The following TBL1X variants were observed in gnomAD, a reference collection of about 807,000 sequenced individuals.
TBL1X encodes transducin beta like 1 X-linked.
Under a neutral mutation model 50.7 loss-of-function variants are expected in TBL1X, and 10 were observed. The observed-to-expected ratio is 0.20, with a 90% confidence interval of 0.12 to 0.33. The LOEUF (loss-of-function observed/expected upper bound fraction) is 0.33. Among genes scored for constraint, TBL1X ranks in the 10% least tolerant of loss-of-function variants. TBL1X has a pLI of 1.00. For synonymous variants in TBL1X, 190 were observed against 214.7 expected (o/e 0.88, Z 1.01); for missense variants, 340 against 504.4 (o/e 0.67, Z 3.12).
At chrX:9,511,063 T>A (rs1175386389) in intron 2 of TBL1X, among the ~76,000 whole-genome samples, 3 of 112,206 alleles carry the variant, frequency 2.7e-5, no homozygotes, top group South Asian at 7.4e-4. Context: ...TGCTTGTAAG[T>A]ACAGGGATTG....
At chrX:9,708,353 T>G (rs2083222705) in intron 13 of TBL1X, among the ~76,000 whole-genome samples, 3 of 112,524 alleles carry the variant, frequency 2.7e-5, no homozygotes, top group Middle Eastern at 9.2e-3. Context: ...ATTTTGCCTG[T>G]GTCATGTGTG....
At chrX:9,673,883 A>C (rs1405090023) in intron 5 of TBL1X, among the ~76,000 whole-genome samples, 1 of 111,557 alleles carries the variant, frequency 9.0e-6, no homozygotes, top group African/African-American at 3.3e-5. Flanking sequence ...CCTGTCCAAC[A>C]TAGTGAAACC....
chrX:9,699,038 T>G (rs1351155048), intron 12 of TBL1X, among the ~76,000 whole-genome samples: 2 of 111,881 alleles, frequency 1.8e-5, no homozygotes, highest in East Asian at 5.6e-4. Flanking sequence ...TGGAGTGCAG[T>G]GGTGCGATCT....
chrX:9,554,184 A>G (rs1009939362), intron 2 of TBL1X, among the ~76,000 whole-genome samples: 1 of 112,634 alleles, frequency 8.9e-6, no homozygotes, highest in East Asian at 2.8e-4. Context: ...CCCAGTCTCA[A>G]TTTTTAAAAA....
intron 2 of TBL1X, among the ~76,000 whole-genome samples, chrX:9,554,198 A>G (rs1386092697): frequency 8.9e-6 from 1 of 112,634 alleles, no homozygotes; most frequent in African/African-American, 3.2e-5. Flanking sequence ...TTAAAAATAT[A>G]TTTTACCATC....
At chrX:9,532,673 G>A (rs1189957194) in intron 2 of TBL1X, among the ~76,000 whole-genome samples, 2 of 111,154 alleles carry the variant, frequency 1.8e-5, no homozygotes, top group African/African-American at 6.6e-5. Context: ...AGCAGGGTTG[G>A]TTCCTCCCTA....
rs1487197553 is a variant in TBL1X, at chrX:9,589,025, ACTGTG to A, written c.-130-51242_-130-51238del. Among the ~76,000 whole-genome samples the A allele has an allele frequency of 6.3e-5, 7 of 111,242 alleles. No homozygotes were observed. In the East Asian group the frequency reaches 2.0e-3, roughly 31 times the overall value. On this transcript the variant is annotated intron_variant, in intron 2 of 17. Coordinates refer to ENST00000645353, the MANE Select transcript of TBL1X (RefSeq NM_005647.4). ...CCTAATCCCTGCCCTGACATTTTACACTGTGCTGTGAATACCCCAGGGCATCATGA... is the reference window on the plus strand; with the variant it reads ...CCTAATCCCTGCCCTGACATTTTACACTGTGAATACCCCAGGGCATCATGA...
intron 1 of TBL1X, among the ~76,000 whole-genome samples, chrX:9,474,472 G>A (rs1479224180): frequency 8.8e-6 from 1 of 113,326 alleles, no homozygotes; most frequent in Non-Finnish European, 1.9e-5. Context: ...ACTGGACATC[G>A]TTCCAGAGGT....
chrX:9,627,735 A>C (rs1251872991), intron 2 of TBL1X, among the ~76,000 whole-genome samples: 2 of 112,172 alleles, frequency 1.8e-5, no homozygotes, highest in Non-Finnish European at 3.8e-5. Flanking sequence ...GTAAATTGTG[A>C]ATTGCTTTCG....
intron 2 of TBL1X, among the ~76,000 whole-genome samples, chrX:9,612,924 C>T (rs1273704443): frequency 1.8e-5 from 2 of 108,760 alleles, no homozygotes; most frequent in Non-Finnish European, 3.8e-5. Context: ...AGTAAAATAT[C>T]TGGTATATAA....
chrX:9,507,679 T>C (rs1168534932), intron 2 of TBL1X, among the ~76,000 whole-genome samples: 1 of 112,137 alleles, frequency 8.9e-6, no homozygotes, highest in Non-Finnish European at 1.9e-5. Context: ...TCATGCTACC[T>C]GACTTCAAAC....
At chrX:9,671,446 A>T (rs780313936) in intron 5 of TBL1X, among the ~76,000 whole-genome samples, 12 of 112,960 alleles carry the variant, frequency 1.1e-4, no homozygotes, top group Admixed American at 3.7e-4. Flanking sequence ...AAAATAGGAG[A>T]ATACAAGGCT....
At chrX:9,588,038 C>G (rs1441596520) in intron 2 of TBL1X, among the ~76,000 whole-genome samples, 2 of 111,850 alleles carry the variant, frequency 1.8e-5, no homozygotes, top group Non-Finnish European at 3.8e-5. Flanking sequence ...TCCACGAGTT[C>G]TGCTTCTATG....
At chrX:9,513,630 C>T (rs1385601650) in intron 2 of TBL1X, among the ~76,000 whole-genome samples, 2 of 111,476 alleles carry the variant, frequency 1.8e-5, no homozygotes, top group South Asian at 3.7e-4. Context: ...GGGTGATCTG[C>T]ACCTAGGGGA....
chrX:9,605,161 A>T (rs1440066063), intron 2 of TBL1X, among the ~76,000 whole-genome samples: 1 of 110,359 alleles, frequency 9.1e-6, no homozygotes, highest in Admixed American at 9.6e-5. Context: ...GCCACACAGG[A>T]TCATCTTCCA....
chrX:9,479,744 A>G lies in TBL1X; in HGVS notation c.-201+14297A>G, dbSNP rs73631481. On this transcript the variant is annotated intron_variant, in intron 1 of 17. Transcript: ENST00000645353. ...ATTAGATTCTAGGTAAGGTCTGGGG[A>G]CACATGGAGTTAGCCGGCTCCCCTG... 4.0e-3 allele frequency among the ~76,000 whole-genome samples: 450 copies of G among 111,591 alleles called. 3 individuals carry two copies. The highest frequency in any genetic ancestry group is 0.018 in the Middle Eastern group (4 of 218).
intron 2 of TBL1X, among the ~76,000 whole-genome samples, chrX:9,583,510 T>G: frequency 9.0e-6 from 1 of 111,574 alleles, no homozygotes; most frequent in Non-Finnish European, 1.9e-5. Context: ...TTTCTTAAGA[T>G]TATGATTTAT....
intron 12 of TBL1X, among the ~76,000 whole-genome samples, chrX:9,700,065 T>G (rs1413317895): frequency 5.3e-5 from 6 of 112,504 alleles, no homozygotes; most frequent in Non-Finnish European, 1.1e-4. Context: ...GCCTGTGATC[T>G]GTGTGTCATC....
chrX:9,627,023 G>A (rs191071844), intron 2 of TBL1X, among the ~76,000 whole-genome samples: 132 of 112,312 alleles, frequency 1.2e-3, no homozygotes, highest in African/African-American at 3.7e-3. Context: ...TTTATATTAG[G>A]AATATTGTTG....
Sources: gnomAD v4.1 joint callset for allele counts (sites outside exome capture counted in the v4.1 genomes callset) on GRCh38, gnomAD v4.1.1 for gene constraint, MANE v1.5 for transcripts, NCBI Gene and HGNC (gene_info 2026-07-23, HGNC 2026-07-21) for gene names.